The following RAD17 variants were observed in gnomAD, a reference collection of about 807,000 sequenced individuals.
RAD17 encodes the protein RAD17 checkpoint clamp loader component.
In RAD17, 31 loss-of-function variants were observed where a neutral mutation model predicts 81.5. The observed-to-expected ratio is 0.38, with a 90% confidence interval of 0.29 to 0.51. RAD17 has a LOEUF of 0.51. Ranked by LOEUF, RAD17 falls within the 20% of genes least tolerant of loss-of-function variation. The probability of loss-of-function intolerance (pLI) is 0.88; values close to 1 mark genes in which losing one functional copy is unlikely to be tolerated. For synonymous variants in RAD17, 261 were observed against 266.2 expected (o/e 0.98, Z 0.19); for missense variants, 681 against 781.2 (o/e 0.87, Z 1.53).
chr5:69,379,797 G>A (rs547627817), intron 6 of RAD17, among the ~76,000 whole-genome samples: 3 of 152,130 alleles, frequency 2.0e-5, no homozygotes, highest in East Asian at 1.9e-4. Context: ...GCAACAACAC[G>A]TAAGGAGCTG....
chr5:69,412,964 G>GT (rs1766102239), intron 18 of RAD17, among the ~76,000 whole-genome samples: 2 of 139,224 alleles, frequency 1.4e-5, no homozygotes, highest in Non-Finnish European at 3.1e-5. Flanking sequence ...TGTAGCCTGG[G>GT]TGACAGAGCA....
chr5:69,399,387 T>C (rs1048673277), intron 16 of RAD17, among the ~76,000 whole-genome samples: 12 of 152,320 alleles, frequency 7.9e-5, no homozygotes, highest in East Asian at 3.9e-4. Context: ...CATTCACTTA[T>C]ATTGCCTGCT....
chr5:69,376,782 C>A (rs746498725), intron 6 of RAD17, among the ~76,000 whole-genome samples: 15 of 149,380 alleles, frequency 1.0e-4, no homozygotes, highest in Non-Finnish European at 2.1e-4. Context: ...TCTCGAGAGT[C>A]TTGCTTTGTC....
chr5:69,369,561 G>A, upstream of RAD17: 1 of 1,607,992 alleles, frequency 6.2e-7, no homozygotes. Context: ...GCCGGAAGGG[G>A]CGGGCGGCAG....
rs537986160 is a variant in RAD17, at chr5:69,400,636, T to A, written c.1693+467T>A. Among the ~76,000 whole-genome samples the A allele has an allele frequency of 1.7e-3, 254 of 151,676 alleles. 1 individual carries two copies. The highest frequency in any genetic ancestry group is 5.7e-3 in the African/African-American group (235 of 41,390). Reference sequence around the variant, plus strand: ...TTCTGGATCCTTTATGTTTTTTTTTTAAAACGCATCAAACAGGCCAGGTGC... The same window carrying A: ...TTCTGGATCCTTTATGTTTTTTTTTAAAAACGCATCAAACAGGCCAGGTGC... On this transcript the variant is annotated intron_variant, in intron 17 of 18. Transcript: ENST00000354868.
At chr5:69,376,762 C>CTTTTTTTTTTTTTTTTTT (rs78888225) in intron 6 of RAD17, among the ~76,000 whole-genome samples, 1 of 148,758 alleles carries the variant, frequency 6.7e-6, no homozygotes, top group African/African-American at 2.5e-5. Flanking sequence ...ATCCTTCTCT[C>CTTTTTTTTTTTTTTTTTT]TTTTTTTTTT....
Position 69,393,573 on chromosome 5 carries a change from A to G in RAD17, c.1422+73A>G, listed in dbSNP as rs1362130231. The G allele has an allele frequency of 2.1e-5, 29 of 1,349,670 alleles. No individual in the cohort carries two copies. In the Admixed American group the frequency reaches 6.5e-4, roughly 30 times the overall value. 83.6% of individuals were successfully genotyped at this position (1,349,670 alleles called of 1,614,324 possible). A position where few individuals can be genotyped will look rare whatever the true frequency, so the allele number is the denominator to read the frequency against. ...AATTAAGAAAAGAAAGTTTACTTTT[A>G]TCCCTAATTGCCTGACATTATTTTA... is the stretch of plus-strand genomic sequence containing the variant. On this transcript the variant is annotated intron_variant, in intron 15 of 18. Transcript: ENST00000354868.
chr5:69,395,839 C>T (rs954364899), intron 15 of RAD17, among the ~76,000 whole-genome samples: 4 of 152,002 alleles, frequency 2.6e-5, no homozygotes, highest in Non-Finnish European at 5.9e-5. Context: ...TTAGTAATTG[C>T]GAACATCGTG....
chr5:69,377,560 T>TATACATATATATGCATATATATGTATAC lies in RAD17; in HGVS notation c.351+2852_351+2853insCATATATATGCATATATATGTATACATA, dbSNP rs1554038709. ...ATACGTATATATATGCATATATATG[T>TATACATATATATGCATATATATGTATAC]ATATATATATGCATATATATGTATA... On this transcript the variant is annotated intron_variant, in intron 6 of 18. Coordinates refer to ENST00000354868, the MANE Select transcript of RAD17 (RefSeq NM_133338.3). 2.5e-4 allele frequency among the ~76,000 whole-genome samples: 2 copies of TATACATATATATGCATATATATGTATAC among 8,118 alleles called. 1 individual carries two copies. Among genetic ancestry groups the TATACATATATATGCATATATATGTATAC allele is most frequent in the Non-Finnish European group, 1.1e-3 (2 of 1,870 alleles). The allele number at this position is 8,118 out of a possible 152,430, so 5.3% of individuals were successfully genotyped here.
At chr5:69,373,781 T>C in intron 4 of RAD17, 49 bp from the exon 5 acceptor site, 8 of 1,494,510 alleles carry the variant, frequency 5.4e-6, no homozygotes, top group Non-Finnish European at 7.3e-6. Context: ...TTTGGGGGAA[T>C]AGATGGGAGA....
intron 17 of RAD17, among the ~76,000 whole-genome samples, chr5:69,406,041 CAAAA>C (rs57655302): frequency 5.5e-5 from 7 of 127,380 alleles, no homozygotes; most frequent in Admixed American, 7.9e-5. Flanking sequence ...GACTCCATCT[CAAAA>C]AAAAAAAAAA....
intron 11 of RAD17, 121 bp downstream of exon 11, chr5:69,386,586 A>G: frequency 1.7e-6 from 2 of 1,145,470 alleles, no homozygotes; most frequent in Admixed American, 4.0e-5. Flanking sequence ...TATTATACTC[A>G]TAAGGCATGT....
At chr5:69,410,027 A>G (rs558901743) in intron 17 of RAD17, among the ~76,000 whole-genome samples, 1 of 152,150 alleles carries the variant, frequency 6.6e-6, no homozygotes, top group Non-Finnish European at 1.5e-5. Flanking sequence ...CATGAGATGT[A>G]TATACCATAT....
intron 14 of RAD17, 39 bp downstream of exon 14, chr5:69,393,279 A>T (rs767646837): frequency 2.5e-5 from 39 of 1,569,600 alleles, no homozygotes; most frequent in African/African-American, 5.4e-5. Flanking sequence ...GTTACAAAGG[A>T]TATATTATTC....
At chr5:69,372,294 A>G in intron 4 of RAD17, 77 bp downstream of exon 4, 1 of 1,302,882 alleles carries the variant, frequency 7.7e-7, no homozygotes, top group Non-Finnish European at 1.1e-6. Flanking sequence ...CTCTGTCTTA[A>G]AAGAAGAGTG....
chr5:69,373,790 GA>G, intron 4 of RAD17, 39 bp from the exon 5 acceptor site: 2 of 1,529,064 alleles, frequency 1.3e-6, no homozygotes, highest in South Asian at 2.3e-5. Context: ...ATAGATGGGA[GA>G]AAATGTGATT....
chr5:69,405,226 G>T (rs188220805), intron 17 of RAD17, among the ~76,000 whole-genome samples: 1 of 151,966 alleles, frequency 6.6e-6, no homozygotes, highest in South Asian at 2.1e-4. Flanking sequence ...AAAATAGGCC[G>T]GGCGCAGTGG....
rs1764576816 is a variant in RAD17, at chr5:69,391,907, A to T, written c.1083A>T (p.Arg361Ser). The change falls in exon 13 of 19, where the codon AGA becomes AGT. Residue 361 changes from arginine (R) to serine (S), a missense_variant. Coordinates refer to ENST00000354868, the MANE Select transcript of RAD17 (RefSeq NM_133338.3). Reference sequence around the variant, plus strand: ...CTGTGCTGTCAAAATCAAAACGAAGAAAAAAACCTGATAGGGTTTTTGAAA... The same window carrying T: ...CTGTGCTGTCAAAATCAAAACGAAGTAAAAAACCTGATAGGGTTTTTGAAA... The part of the protein sequence containing the change: ...SDAVLSKSKR[R>S]KKPDRVFENQ... The T allele has an allele frequency of 6.3e-7, 1 of 1,594,716 alleles. No individual in the cohort carries two copies. The highest frequency in any genetic ancestry group is 1.8e-5 in the Admixed American group (1 of 55,058).
intron 17 of RAD17, among the ~76,000 whole-genome samples, chr5:69,408,506 CTTTTTTTTTTT>C (rs913594965): frequency 1.1e-5 from 1 of 88,434 alleles, no homozygotes; most frequent in Non-Finnish European, 2.0e-5. Flanking sequence ...ACCCTAATTA[CTTTTTTTTTTT>C]TTTTTTTTTT....
Sources: allele counts gnomAD v4.1 joint callset (sites outside exome capture counted in the v4.1 genomes callset), GRCh38; gene constraint gnomAD v4.1.1; transcripts MANE v1.5; gene names NCBI Gene and HGNC (gene_info 2026-07-23, HGNC 2026-07-21).